The following KIF1C variants were observed in gnomAD, a reference collection of about 807,000 sequenced individuals.
KIF1C encodes kinesin family member 1C.
In KIF1C, 61 loss-of-function variants were observed where a neutral mutation model predicts 126.5. The ratio of observed to expected loss-of-function variants is 0.48; its 90% CI spans 0.39 to 0.60. The LOEUF is 0.60. Ranked by LOEUF, KIF1C falls within the 20% of genes least tolerant of loss-of-function variation. The pLI is 0.00. For missense variants in KIF1C, 1,315 were observed against 1,489.2 expected, an observed-to-expected ratio of 0.88 and a Z score of 1.93; for synonymous variants, 640 against 580.6, an observed-to-expected ratio of 1.10 and a Z score of -1.47.
chr17:5,016,350 A>G (rs1390316335), intron 18 of KIF1C, among the ~76,000 whole-genome samples: 1 of 151,470 alleles, frequency 6.6e-6, no homozygotes, highest in Non-Finnish European at 1.5e-5. Flanking sequence ...TCCCAACCTC[A>G]GGTGATCCTC....
At chr17:5,015,770 A>G (rs1423283921) in intron 18 of KIF1C, among the ~76,000 whole-genome samples, 1 of 142,232 alleles carries the variant, frequency 7.0e-6, no homozygotes, top group Non-Finnish European at 1.5e-5. Flanking sequence ...TAATTTTTGT[A>G]TTTTTAGTAG....
chr17:5,000,626 G>C lies in KIF1C; in HGVS notation c.107-146G>C, dbSNP rs1020399176. 16 of 789,100 alleles carry C rather than the reference G, an allele frequency of 2.0e-5. No individual in the cohort carries two copies. In the African/African-American group the frequency reaches 2.1e-4, roughly 10 times the overall value. 48.9% of individuals were successfully genotyped at this position (789,100 alleles called of 1,614,324 possible). A position where few individuals can be genotyped will look rare whatever the true frequency, so the allele number is the denominator to read the frequency against. ...CCAAAATTAGCTTTGGTGGCTGGAG[G>C]GGGTGGGGAATGTTAAAGGGGAGAG... On this transcript the variant is annotated intron_variant, in intron 3 of 22. Coordinates refer to ENST00000320785, the MANE Select transcript of KIF1C (RefSeq NM_006612.6).
Position 5,023,635 on chromosome 17 carries a change from T to C in KIF1C, c.2796T>C (p.Pro932=), listed in dbSNP as rs1264531687. The C allele has an allele frequency of 2.5e-6, 4 of 1,613,334 alleles. No individual in the cohort carries two copies. Among genetic ancestry groups the C allele is most frequent in the Non-Finnish European group, 3.4e-6 (4 of 1,179,760 alleles). ...TGTCACGGCTCATGGAGGAGGACCC[T>C]GCCTTCCGTCGTGGTCGTCTTCGCT... ...ERVSRLMEED[P]AFRRGRLRWL... The change falls in exon 23 of 23, where the codon CCT becomes CCC. Residue 932 remains proline, a synonymous_variant. Coordinates refer to ENST00000320785, the MANE Select transcript of KIF1C (RefSeq NM_006612.6). This position sits in a 1 kb window ranked among gnomAD's most constrained non-coding sequence, Gnocchi z 4.2.
Position 4,999,982 on chromosome 17 carries a change from A to AGACC in KIF1C, c.-28+14_-28+17dup. The AGACC allele has an allele frequency of 6.4e-6, 3 of 468,748 alleles. No homozygotes were observed. Among genetic ancestry groups the AGACC allele is most frequent in the Middle Eastern group, 5.8e-4 (1 of 1,712 alleles). The allele number at this position is 468,748 out of a possible 1,614,324, so 29.0% of individuals were successfully genotyped here. The stretch of plus-strand genomic sequence containing the variant: ...GGCCAGGACGCCAGGTAACTGGGGG[A>AGACC]GACCGCCCAGGTTCCTGCAAGCTGG... On this transcript the variant is annotated intron_variant, in intron 2 of 22. Coordinates refer to ENST00000320785, the MANE Select transcript of KIF1C (RefSeq NM_006612.6).
intron 8 of KIF1C, among the ~76,000 whole-genome samples, chr17:5,003,406 G>A (rs1003734189): frequency 6.6e-6 from 1 of 152,074 alleles, no homozygotes; most frequent in Non-Finnish European, 1.5e-5. Flanking sequence ...CCATGCCTGC[G>A]GTGGGCCTGT....
At chr17:4,999,403 C>G (rs774868333) in intron 1 of KIF1C, among the ~76,000 whole-genome samples, 6 of 152,172 alleles carry the variant, frequency 3.9e-5, no homozygotes, top group Non-Finnish European at 7.4e-5. Context: ...CCGGAGTTCC[C>G]CACCCTGTCT....
intron 16 of KIF1C, chr17:5,011,832 A>C (rs1974872546): frequency 6.6e-6 from 1 of 152,308 alleles, no homozygotes; most frequent in African/African-American, 2.4e-5. Context: ...TTCTGCCTCC[A>C]TGCTTCTGTC....
intron 17 of KIF1C, 105 bp downstream of exon 17, chr17:5,013,837 C>G (rs1378994210): frequency 1.3e-6 from 1 of 784,936 alleles, no homozygotes; most frequent in East Asian, 2.7e-5. Flanking sequence ...CCTGGAGATA[C>G]CTCAGATCTC....
chr17:5,006,881 T>G (rs1318428335), intron 13 of KIF1C, 34 bp from the exon 14 acceptor site: 10 of 1,609,352 alleles, frequency 6.2e-6, no homozygotes, highest in Non-Finnish European at 8.5e-6. Context: ...CTTCTTTCCT[T>G]AGCCTCATTC....
At chr17:5,009,661 G>A (rs142503102) in intron 16 of KIF1C, among the ~76,000 whole-genome samples, 5,139 of 151,086 alleles carry the variant, frequency 0.034, 111 homozygotes, top group Non-Finnish European at 0.038. Context: ...GCTGGCGGGC[G>A]CCTGTAGTCC....
chr17:5,008,159 G>A (rs1035519272), intron 16 of KIF1C, among the ~76,000 whole-genome samples: 1 of 152,158 alleles, frequency 6.6e-6, no homozygotes, highest in Non-Finnish European at 1.5e-5. Context: ...CGTGCCTGCC[G>A]CCAGGTTTTA....
intron 1 of KIF1C, chr17:4,998,969 G>C (rs1018296140): frequency 1.2e-4 from 18 of 152,272 alleles, no homozygotes; most frequent in African/African-American, 4.3e-4. Context: ...CCCAGGTTGG[G>C]GCTGGCACCA....
rs531955212 is a variant in KIF1C, at chr17:5,022,025, C to A, written c.2011-67C>A. ...GTGTTTCCAGTGTACTTAGGACACA[C>A]TGGGCCAAGACACATGGGCTCTGGA... On this transcript the variant is annotated intron_variant, in intron 21 of 22. Coordinates refer to ENST00000320785, the MANE Select transcript of KIF1C (RefSeq NM_006612.6). This position sits in a 1 kb window ranked among gnomAD's most constrained non-coding sequence, Gnocchi z 4.9. The A allele has an allele frequency of 6.6e-7, 1 of 1,510,098 alleles. No individual in the cohort carries two copies. The highest frequency in any genetic ancestry group is 8.9e-7 in the Non-Finnish European group (1 of 1,127,690). 93.5% of individuals were successfully genotyped at this position (1,510,098 alleles called of 1,614,324 possible).
At chr17:5,011,975 C>T (rs1369165898) in intron 16 of KIF1C, 2 of 152,242 alleles carry the variant, frequency 1.3e-5, no homozygotes, top group Admixed American at 6.5e-5. Flanking sequence ...CTTTGTTCCT[C>T]TTTGCATGTG....
chr17:5,020,830 C>T lies in KIF1C; in HGVS notation c.1962C>T (p.Tyr654=), dbSNP rs113561684. ...GGCTGCAGGATCTGGAGAATCAGTA[C>T]CGGAAAGAAAAGGAAGAAGCCGATC... ...EKRLQDLENQ[Y]RKEKEEADLL... is the part of the protein sequence containing the mutation. The change falls in exon 21 of 23, where the codon TAC becomes TAT. Residue 654 remains tyrosine, a synonymous_variant. Coordinates refer to ENST00000320785, the MANE Select transcript of KIF1C (RefSeq NM_006612.6). This position sits in a 1 kb window ranked among gnomAD's most constrained non-coding sequence, Gnocchi z 5.8. 8.2e-5 allele frequency: 130 copies of T among 1,593,184 alleles called. No homozygotes were observed. The African/African-American group carries it at 1.2e-3, about 15-fold the overall frequency.
chr17:4,998,091 G>T lies in KIF1C; in HGVS notation c.-214G>T, dbSNP rs1346014610. Reference sequence around the variant, plus strand: ...CCGGCCCCAGATCCTTCCCGCTTCCGCCTCACGCTTCCCGGAAAGCTTGTC... The same window carrying T: ...CCGGCCCCAGATCCTTCCCGCTTCCTCCTCACGCTTCCCGGAAAGCTTGTC... On this transcript the variant is annotated 5_prime_UTR_variant, in exon 1 of 23. Coordinates refer to ENST00000320785, the MANE Select transcript of KIF1C (RefSeq NM_006612.6). 6.6e-6 allele frequency: 1 copy of T among 151,862 alleles called. No homozygotes were observed. Among genetic ancestry groups the T allele is most frequent in the East Asian group, 1.9e-4 (1 of 5,140 alleles). The allele number at this position is 151,862 out of a possible 1,614,324, so 9.4% of individuals were successfully genotyped here. A position where few individuals can be genotyped will look rare whatever the true frequency, so the allele number is the denominator to read the frequency against.
chr17:5,020,996 G>C lies in KIF1C; in HGVS notation c.2010+118G>C, dbSNP rs1975078474. 3.6e-6 allele frequency: 3 copies of C among 833,168 alleles called. No homozygotes were observed. Among genetic ancestry groups the C allele is most frequent in the African/African-American group, 1.7e-5 (1 of 58,588 alleles). The allele number at this position is 833,168 out of a possible 1,614,324, so 51.6% of individuals were successfully genotyped here. A position where few individuals can be genotyped will look rare whatever the true frequency, so the allele number is the denominator to read the frequency against. On this transcript the variant is annotated intron_variant, in intron 21 of 22. Coordinates refer to ENST00000320785, the MANE Select transcript of KIF1C (RefSeq NM_006612.6). This position sits in a 1 kb window ranked among gnomAD's most constrained non-coding sequence, Gnocchi z 5.8. ...AAATGGGCATGGGGGTAAGGGGAAG[G>C]GTCCAAGAGGAAAAAGCCAGGAGAG... is the stretch of plus-strand genomic sequence containing the variant.
Position 5,024,211 on chromosome 17 carries a change from C to A in KIF1C, c.*60C>A, listed in dbSNP as rs1460513876. Reference sequence around the variant, plus strand: ...CCTTGCTAGGAGAAGGGAAGACGCCCGAGACGCTGCTTCCCCAGAAGTGCT... The same window carrying A: ...CCTTGCTAGGAGAAGGGAAGACGCCAGAGACGCTGCTTCCCCAGAAGTGCT... On this transcript the variant is annotated 3_prime_UTR_variant, in exon 23 of 23. Coordinates refer to ENST00000320785, the MANE Select transcript of KIF1C (RefSeq NM_006612.6). 2.5e-6 allele frequency: 3 copies of A among 1,215,198 alleles called. No homozygotes were observed. Among genetic ancestry groups the A allele is most frequent in the East Asian group, 2.4e-5 (1 of 41,370 alleles). 75.3% of individuals were successfully genotyped at this position (1,215,198 alleles called of 1,614,324 possible).
At chr17:5,001,042 A>G (rs548801684) in intron 4 of KIF1C, among the ~76,000 whole-genome samples, 180 bp from the exon 5 acceptor site, 2 of 152,092 alleles carry the variant, frequency 1.3e-5, no homozygotes, top group African/African-American at 4.8e-5. Context: ...CCTTGGGGTA[A>G]TTAGGACTAG....
Sources: gnomAD v4.1 joint callset for allele counts (sites outside exome capture counted in the v4.1 genomes callset) on GRCh38, gnomAD v4.1.1 for gene constraint, Gnocchi (gnomAD v3.1) non-coding constraint, MANE v1.5 for transcripts, NCBI Gene and HGNC (gene_info 2026-07-23, HGNC 2026-07-21) for gene names.